Variants in MTHFD2L observed in about 807,000 individuals in gnomAD.
MTHFD2L encodes methylenetetrahydrofolate dehydrogenase (NADP+ dependent) 2 like, also known as bifunctional methylenetetrahydrofolate dehydrogenase/cyclohydrolase 2, mitochondrial.
MTHFD2L carries 29 observed loss-of-function variants against 34.9 expected under a neutral mutation model. That is an observed-to-expected ratio of 0.83 (90% CI 0.62 to 1.13). MTHFD2L has a LOEUF of 1.13. MTHFD2L is among the 50% of genes most tolerant of loss of function. The pLI is 0.00. For missense variants in MTHFD2L, 481 were observed against 446.5 expected, an observed-to-expected ratio of 1.08 and a Z score of -0.70; for synonymous variants, 167 against 155.7, an observed-to-expected ratio of 1.07 and a Z score of -0.54.
chr4:74,261,324 A>G (rs560081621), intron 6 of MTHFD2L, among the ~76,000 whole-genome samples: 30 of 152,048 alleles, frequency 2.0e-4, no homozygotes, highest in Non-Finnish European at 3.8e-4. Flanking sequence ...GGTAGTATCT[A>G]CAGATATCAA....
At chr4:74,183,000 AAAG>A (rs1167612351) in intron 3 of MTHFD2L, 3 of 152,206 alleles carry the variant, frequency 2.0e-5, no homozygotes, top group African/African-American at 7.2e-5. Flanking sequence ...CTCACAGATC[AAAG>A]AAGCTCACCA....
Position 74,201,383 on chromosome 4 carries a change from T to G in MTHFD2L, c.712+13T>G. On this transcript the variant is annotated intron_variant, in intron 5 of 7. Coordinates refer to ENST00000325278, the MANE Select transcript of MTHFD2L (RefSeq NM_001144978.3). ...GAACGGCCAGGAGGTAGGTAGAACC[T>G]TGCAGATTCTACACTCTCTCGCAGT... The G allele has an allele frequency of 6.3e-7, 1 of 1,578,692 alleles. No individual in the cohort carries two copies. Among genetic ancestry groups the G allele is most frequent in the South Asian group, 1.1e-5 (1 of 89,194 alleles).
chr4:74,193,507 ACT>A (rs1157075757), intron 3 of MTHFD2L, among the ~76,000 whole-genome samples: 11 of 152,146 alleles, frequency 7.2e-5, no homozygotes, highest in Admixed American at 7.2e-4. Context: ...GATTGCAATG[ACT>A]CTATAAATCA....
intron 6 of MTHFD2L, among the ~76,000 whole-genome samples, chr4:74,272,166 T>A (rs1746080438): frequency 1.3e-5 from 2 of 152,276 alleles, no homozygotes; most frequent in South Asian, 4.1e-4. Context: ...AAGAAAGAGA[T>A]AAATCAGGAC....
intron 5 of MTHFD2L, among the ~76,000 whole-genome samples, chr4:74,208,906 C>G (rs1488507184): frequency 6.6e-6 from 1 of 152,142 alleles, no homozygotes; most frequent in Non-Finnish European, 1.5e-5. Context: ...CCAATCTTAA[C>G]TGCTTGCTGC....
chr4:74,124,828 G>T (rs1032237039), upstream of MTHFD2L, among the ~76,000 whole-genome samples: 4 of 151,906 alleles, frequency 2.6e-5, no homozygotes, highest in Non-Finnish European at 5.9e-5. Context: ...ATTCAGAGTG[G>T]ATTATATTAT....
In MTHFD2L at chr4:74,199,965, G is replaced by A; in HGVS notation, c.604+19G>A. On this transcript the variant is annotated intron_variant, in intron 4 of 7. Transcript: ENST00000325278. Reference sequence around the variant, plus strand: ...AGAACAGGTTGGTAATTTGTGGTCTGCAGGACATGGATGCTAGGTGCTGAG... The same window carrying A: ...AGAACAGGTTGGTAATTTGTGGTCTACAGGACATGGATGCTAGGTGCTGAG... The A allele has an allele frequency of 6.2e-7, 1 of 1,613,390 alleles. No individual in the cohort carries two copies. The highest frequency in any genetic ancestry group is 8.5e-7 in the Non-Finnish European group (1 of 1,179,574).
At chr4:74,282,376 C>A (rs1274477845) in intron 7 of MTHFD2L, among the ~76,000 whole-genome samples, 2 of 149,780 alleles carry the variant, frequency 1.3e-5, no homozygotes, top group Non-Finnish European at 2.9e-5. Context: ...AATACAGTGC[C>A]ACATCAAGAA....
chr4:74,175,817 G>A (rs1464156479), intron 3 of MTHFD2L, among the ~76,000 whole-genome samples: 1 of 152,036 alleles, frequency 6.6e-6, no homozygotes, highest in African/African-American at 2.4e-5. Context: ...CTAAGCTAAT[G>A]TTTTTTAGTA....
chr4:74,225,446 C>A, intron 6 of MTHFD2L, 52 bp downstream of exon 6: 1 of 1,439,638 alleles, frequency 6.9e-7, no homozygotes, highest in Non-Finnish European at 9.7e-7. Flanking sequence ...AGAATAATTC[C>A]TGCCCTAAAT....
chr4:74,175,165 A>G (rs570739047), intron 2 of MTHFD2L, 116 bp from the exon 3 acceptor site: 51 of 1,088,506 alleles, frequency 4.7e-5, no homozygotes, highest in Middle Eastern at 2.1e-4. Flanking sequence ...CTGATGATGC[A>G]TGGAACATCA....
chr4:74,267,072 C>G, intron 6 of MTHFD2L: 1 of 985,302 alleles, frequency 1.0e-6, no homozygotes, highest in Non-Finnish European at 1.2e-6. Flanking sequence ...TTGCTTTGAT[C>G]CTTTTACACA....
At chr4:74,132,931 T>C (rs977627340) in intron 1 of MTHFD2L, among the ~76,000 whole-genome samples, 34 of 152,224 alleles carry the variant, frequency 2.2e-4, no homozygotes, top group Non-Finnish European at 4.4e-4. Context: ...AATTAAATTA[T>C]TAGCATATTC....
chr4:74,132,958 C>G (rs1417410711), intron 1 of MTHFD2L, among the ~76,000 whole-genome samples: 1 of 152,116 alleles, frequency 6.6e-6, no homozygotes, highest in Non-Finnish European at 1.5e-5. Context: ...TGTGTTCATA[C>G]TTAATTTTAC....
chr4:74,121,113 T>G (rs1307813770), upstream of MTHFD2L, among the ~76,000 whole-genome samples: 4 of 152,226 alleles, frequency 2.6e-5, no homozygotes, highest in Admixed American at 6.5e-5. Flanking sequence ...TCCCAGCTAG[T>G]GCATGATCAC....
Position 74,159,300 on chromosome 4 carries a change from G to A in MTHFD2L, c.143+1019G>A, listed in dbSNP as rs546402487. ...TGTGAGAAAATAACAGTGAATCAGA[G>A]TTGTGTAAGCTGTAGTAGGTTGGGT... On this transcript the variant is annotated intron_variant, in intron 1 of 7. Transcript: ENST00000325278. Among the ~76,000 whole-genome samples, 25 of 152,326 alleles carry A rather than the reference G, an allele frequency of 1.6e-4. 1 individual carries two copies. The South Asian group carries it at 5.0e-3, about 30-fold the overall frequency.
At chr4:74,229,694 A>G (rs1560510869) in intron 6 of MTHFD2L, among the ~76,000 whole-genome samples, 1 of 152,130 alleles carries the variant, frequency 6.6e-6, no homozygotes, top group Admixed American at 6.5e-5. Flanking sequence ...ACTGGCTTAT[A>G]TATCACTCAC....
At chr4:74,298,198 A>T (rs922281911) in intron 7 of MTHFD2L, among the ~76,000 whole-genome samples, 15 of 152,108 alleles carry the variant, frequency 9.9e-5, no homozygotes, top group Non-Finnish European at 2.1e-4. Flanking sequence ...GTATTTTAAT[A>T]ACCAGGTGTG....
chr4:74,180,646 G>A (rs1432578857), intron 3 of MTHFD2L: 3 of 427,186 alleles, frequency 7.0e-6, no homozygotes, highest in South Asian at 3.3e-5. Context: ...CCTGTTTAAT[G>A]GTACTGGGAC....
Sources: allele counts gnomAD v4.1 joint callset (sites outside exome capture counted in the v4.1 genomes callset), GRCh38; gene constraint gnomAD v4.1.1; transcripts MANE v1.5; gene names NCBI Gene and HGNC (gene_info 2026-07-23, HGNC 2026-07-21).